DMXL2: variants seen among roughly 807,000 people sequenced by gnomAD.
DMXL2 encodes Dmx like 2.
A neutral mutation model predicts 331.1 loss-of-function variants in DMXL2; 103 were observed. That is an observed-to-expected ratio of 0.31 (90% confidence interval 0.27 to 0.37). The LOEUF (loss-of-function observed/expected upper bound fraction) is 0.37, where lower values mean the gene tolerates loss of function less well. Ranked by LOEUF, DMXL2 falls within the 10% of genes least tolerant of loss-of-function variation. DMXL2 has a pLI of 1.00. For missense variants in DMXL2, 3,171 were observed against 3,642.9 expected, an observed-to-expected ratio of 0.87 and a Z score of 3.33; for synonymous variants, 1,281 against 1,252.1, an observed-to-expected ratio of 1.02 and a Z score of -0.49.
chr15:51,483,904 C>T (rs2042200705), intron 23 of DMXL2, among the ~76,000 whole-genome samples: 1 of 151,370 alleles, frequency 6.6e-6, no homozygotes, highest in Non-Finnish European at 1.5e-5. Flanking sequence ...AGTCTCAGAC[C>T]TGAGAAATAG....
chr15:51,532,835 T>C (rs13379671), intron 13 of DMXL2, among the ~76,000 whole-genome samples: 3,930 of 151,934 alleles, frequency 0.026, 166 homozygotes, highest in African/African-American at 0.089. Context: ...ATAAGAAAAA[T>C]AAAAGCCATA....
Position 51,501,584 on chromosome 15 carries a change from A to G in DMXL2, c.2992+1222T>C, listed in dbSNP as rs182434259. ...TGTATTTGTTCTTCAAAATTTTACT[A>G]TCATTATATTCCAAAGTGTAGGCAA... is the stretch of plus-strand genomic sequence containing the variant. On this transcript the variant is annotated intron_variant, in intron 17 of 43. Coordinates refer to ENST00000560891, the MANE Select transcript of DMXL2 (RefSeq NM_001378457.1). Among the ~76,000 whole-genome samples, 272 of 152,322 alleles carry G rather than the reference A, an allele frequency of 1.8e-3. 1 individual carries two copies. The highest frequency in any genetic ancestry group is 5.8e-3 in the South Asian group (28 of 4,832).
In DMXL2 at chr15:51,498,544, A is replaced by G. The variant is rs1219051501; in HGVS notation, c.4672+8T>C. The G allele has an allele frequency of 6.3e-7, 1 of 1,599,164 alleles. No homozygotes were observed. The highest frequency in any genetic ancestry group is 2.2e-5 in the East Asian group (1 of 44,740). ...ACAACTTTATAAATTTTTAGCGAGA[A>G]TATTTACCTGAGCAACTCTTATCTC... On this transcript the variant is annotated splice_region_variant and intron_variant, in intron 18 of 43. Coordinates refer to ENST00000560891, the MANE Select transcript of DMXL2 (RefSeq NM_001378457.1).
Position 51,499,847 on chromosome 15 carries a change from T to G in DMXL2, c.3377A>C (p.Asp1126Ala). Residue 1126 changes from aspartate to alanine, a missense_variant, in exon 18 of 44, where the codon GAT becomes GCT. Asp to Ala is a moderately radical substitution (Grantham distance 126). Coordinates refer to ENST00000560891, the MANE Select transcript of DMXL2 (RefSeq NM_001378457.1). Reference protein sequence around the residue: ...EWVLEQTIHLDDLVKVGSVLD... With the variant: ...EWVLEQTIHLADLVKVGSVLD... Reference sequence around the variant, plus strand: ...TACACTCCCAACCTTAACCAAATCATCAAGATGAATTGTTTGTTCTAAAAC... The same window carrying G: ...TACACTCCCAACCTTAACCAAATCAGCAAGATGAATTGTTTGTTCTAAAAC... 1 of 1,614,178 alleles carries G rather than the reference T, an allele frequency of 6.2e-7. No homozygotes were observed. The highest frequency in any genetic ancestry group is 2.2e-5 in the East Asian group (1 of 44,880).
chr15:51,461,338 G>C (rs568347039), intron 33 of DMXL2, among the ~76,000 whole-genome samples: 3 of 152,128 alleles, frequency 2.0e-5, no homozygotes, highest in Non-Finnish European at 4.4e-5. Context: ...AGGGCAAGAC[G>C]AGAATGGGAG....
Position 51,480,898 on chromosome 15 carries a change from T to C in DMXL2, c.6208A>G (p.Arg2070Gly). 2 of 1,612,524 alleles carry C rather than the reference T, an allele frequency of 1.2e-6. No homozygotes were observed. Among genetic ancestry groups the C allele is most frequent in the Non-Finnish European group, 1.7e-6 (2 of 1,179,302 alleles). Residue 2070 changes from arginine to glycine, a missense_variant, in exon 24 of 44, where the codon AGA becomes GGA. Arg to Gly is a moderately radical substitution (Grantham distance 125). Transcript: ENST00000560891. The stretch of plus-strand genomic sequence containing the variant: ...TCAAGCCAGTTATAGAGTTGAAATC[T>C]GAGTTTTCCTCCATCTACTTCATAA... Reference protein sequence around the residue: ...TGYEVDGGKLRFQLYNWLEKE... With the variant: ...TGYEVDGGKLGFQLYNWLEKE...
rs2039622193 is a variant in DMXL2 at position 51,456,349 on chromosome 15, A to G, written c.8358T>C (p.His2786=). 4.4e-6 allele frequency: 7 copies of G among 1,590,608 alleles called. No individual in the cohort carries two copies. The East Asian group carries it at 8.9e-5, about 20-fold the overall frequency. Residue 2786 remains histidine, a synonymous_variant, in exon 38 of 44, where the codon CAT becomes CAC. Transcript: ENST00000560891. The stretch of plus-strand genomic sequence containing the variant: ...GGTGTGAAGTCATTCTCTTAACATT[A>G]TGTAGATTCCTTTTCATAAGCTTTA... The part of the protein sequence containing the change: ...GASVLMKRNL[H]NVKRMTSHPV...
intron 1 of DMXL2, among the ~76,000 whole-genome samples, chr15:51,596,455 A>G (rs2052813525): frequency 6.6e-6 from 1 of 152,168 alleles, no homozygotes; most frequent in Admixed American, 6.5e-5. Flanking sequence ...AAATAGGAAC[A>G]CTTTTACACT....
At position 51,447,979 on chromosome 15, in the gene DMXL2, A is replaced by T. The variant is rs987877835; in HGVS notation, c.*1005T>A. The T allele has an allele frequency of 6.6e-6, 1 of 152,646 alleles. No homozygotes were observed. Among genetic ancestry groups the T allele is most frequent in the East Asian group, 1.9e-4 (1 of 5,200 alleles). The allele number at this position is 152,646 out of a possible 1,614,324, so 9.5% of individuals were successfully genotyped here. ...ACACAGACATTAGTTTCAGTATCTCAACATATTTTTGGTCATAACCAAGGA... is the reference window on the plus strand; with the variant it reads ...ACACAGACATTAGTTTCAGTATCTCTACATATTTTTGGTCATAACCAAGGA... On this transcript the variant is annotated 3_prime_UTR_variant, in exon 44 of 44. Transcript: ENST00000560891.
At chr15:51,559,648 G>C (rs1272742518) in intron 6 of DMXL2, among the ~76,000 whole-genome samples, 2 of 152,114 alleles carry the variant, frequency 1.3e-5, no homozygotes, top group Non-Finnish European at 2.9e-5. Flanking sequence ...TTGAGCCCAG[G>C]AGTTCAAGGT....
At chr15:51,452,479 C>A (rs375714115) in intron 41 of DMXL2, among the ~76,000 whole-genome samples, 1 of 151,976 alleles carries the variant, frequency 6.6e-6, no homozygotes, top group South Asian at 2.1e-4. Flanking sequence ...AAATGGCCAA[C>A]AAACAGGAAA....
chr15:51,609,125 GTAAC>G (rs1317364553), intron 1 of DMXL2, among the ~76,000 whole-genome samples: 3 of 152,114 alleles, frequency 2.0e-5, no homozygotes, highest in Admixed American at 6.6e-5. Flanking sequence ...AATTTCTAGA[GTAAC>G]TAGCAAAAGA....
At chr15:51,482,293 G>A (rs1419094202) in intron 23 of DMXL2, among the ~76,000 whole-genome samples, 1 of 152,026 alleles carries the variant, frequency 6.6e-6, no homozygotes, top group African/African-American at 2.4e-5. Context: ...CTTAAATTAT[G>A]TTCAGAATCA....
intron 42 of DMXL2, chr15:51,450,792 C>G (rs1429259221): frequency 6.2e-6 from 1 of 162,174 alleles, no homozygotes; most frequent in Non-Finnish European, 1.4e-5. Context: ...ATTATCCTTC[C>G]CAGGAGTATT....
chr15:51,620,407 G>A (rs540484474), intron 1 of DMXL2, among the ~76,000 whole-genome samples: 18 of 152,280 alleles, frequency 1.2e-4, no homozygotes, highest in African/African-American at 4.3e-4. Context: ...CTGTCTTGTT[G>A]CAACATAAAA....
rs542431393 is a variant in DMXL2, at chr15:51,457,627, T to C, written c.8199-161A>G. Reference sequence around the variant, plus strand: ...AAGTCCTAATCGCCAATGTTAATACTGGTTAACTTTTTTCCCTTTTGGCAA... The same window carrying C: ...AAGTCCTAATCGCCAATGTTAATACCGGTTAACTTTTTTCCCTTTTGGCAA... On this transcript the variant is annotated intron_variant, in intron 36 of 43. Coordinates refer to ENST00000560891, the MANE Select transcript of DMXL2 (RefSeq NM_001378457.1). 13 of 748,328 alleles carry C rather than the reference T, an allele frequency of 1.7e-5. 1 individual carries two copies. The South Asian group carries it at 2.8e-4, about 16-fold the overall frequency. The allele number at this position is 748,328 out of a possible 1,614,324, so 46.4% of individuals were successfully genotyped here. A position where few individuals can be genotyped will look rare whatever the true frequency, so the allele number is the denominator to read the frequency against.
At position 51,480,013 on chromosome 15, in the gene DMXL2, G is replaced by T. The variant is rs1053110229; in HGVS notation, c.6691C>A (p.His2231Asn). Residue 2231 changes from histidine (H) to asparagine (N), a missense_variant, in exon 25 of 44, where the codon CAT becomes AAT. Transcript: ENST00000560891. ...NPVLYLNNHIHDILYTIVQMK... is the reference protein window; with the variant it reads ...NPVLYLNNHINDILYTIVQMK... Reference sequence around the variant, plus strand: ...TGAACAATAGTATAAAGTATATCATGGATGTGATTATTTAAGTACAATACA... The same window carrying T: ...TGAACAATAGTATAAAGTATATCATTGATGTGATTATTTAAGTACAATACA... 6.3e-7 allele frequency: 1 copy of T among 1,591,552 alleles called. No homozygotes were observed. The highest frequency in any genetic ancestry group is 2.3e-5 in the East Asian group (1 of 44,380).
At chr15:51,506,040 T>A (rs1189763312) in intron 16 of DMXL2, among the ~76,000 whole-genome samples, 1 of 152,226 alleles carries the variant, frequency 6.6e-6, no homozygotes, top group Admixed American at 6.5e-5. Context: ...AAAGAATGGC[T>A]GAAGTAATTT....
intron 29 of DMXL2, among the ~76,000 whole-genome samples, chr15:51,470,714 T>C (rs1026273751): frequency 3.3e-5 from 5 of 152,168 alleles, no homozygotes; most frequent in African/African-American, 1.2e-4. Context: ...AACATTAGCA[T>C]GCACCCAGCA....
Sources: allele counts gnomAD v4.1 joint callset (sites outside exome capture counted in the v4.1 genomes callset), GRCh38; gene constraint gnomAD v4.1.1; transcripts MANE v1.5; gene names NCBI Gene and HGNC (gene_info 2026-07-23, HGNC 2026-07-21).